Variants in MLF1 observed in about 807,000 individuals in gnomAD.
MLF1 encodes myeloid leukemia factor 1.
A neutral mutation model predicts 38.3 loss-of-function variants in MLF1; 37 were observed. The ratio of observed to expected loss-of-function variants is 0.96; its 90% CI spans 0.74 to 1.27. The LOEUF (loss-of-function observed/expected upper bound fraction) is 1.27. MLF1 is among the 50% of genes most tolerant of loss of function. The probability of loss-of-function intolerance (pLI) is 0.00; values close to 1 mark genes in which losing one functional copy is unlikely to be tolerated. For missense variants in MLF1, 331 were observed against 349.2 expected, an observed-to-expected ratio of 0.95 and a Z score of 0.42; for synonymous variants, 95 against 106.5, an observed-to-expected ratio of 0.89 and a Z score of 0.66.
At chr3:158,604,385 G>A (rs6800914) in intron 7 of MLF1, among the ~76,000 whole-genome samples, 87,566 of 152,008 alleles carry the variant, frequency 0.58, 25,992 homozygotes, top group African/African-American at 0.72. Context: ...AAATGACTTC[G>A]GTAATGACAA....
At position 158,605,980 on chromosome 3, in the gene MLF1, G is replaced by A. The variant is rs1421929183; in HGVS notation, c.*778G>A. On this transcript the variant is annotated 3_prime_UTR_variant, in exon 8 of 8. Transcript: ENST00000466246. ...CTGTCTCCAAGGTTAACATTCTGAAGCTGGAGAGTCCTTGGAGAAACTCTG... is the reference window on the plus strand; with the variant it reads ...CTGTCTCCAAGGTTAACATTCTGAAACTGGAGAGTCCTTGGAGAAACTCTG... 1 of 183,534 alleles carries A rather than the reference G, an allele frequency of 5.4e-6. No homozygotes were observed. Among genetic ancestry groups the A allele is most frequent in the Non-Finnish European group, 1.2e-5 (1 of 86,426 alleles). The allele number at this position is 183,534 out of a possible 1,614,324, so 11.4% of individuals were successfully genotyped here. A position where few individuals can be genotyped will look rare whatever the true frequency, so the allele number is the denominator to read the frequency against.
intron 6 of MLF1, among the ~76,000 whole-genome samples, chr3:158,601,718 T>G (rs1719783381): frequency 6.8e-6 from 1 of 148,144 alleles, no homozygotes; most frequent in South Asian, 2.2e-4. Context: ...GATCACGCAT[T>G]GCACTCCAGC....
chr3:158,598,819 T>G (rs1719291931), intron 5 of MLF1, among the ~76,000 whole-genome samples: 1 of 152,138 alleles, frequency 6.6e-6, no homozygotes, highest in Non-Finnish European at 1.5e-5. Flanking sequence ...GTATCTGGAG[T>G]TTATCATTTT....
chr3:158,580,297 A>G (rs1489966387), intron 1 of MLF1, among the ~76,000 whole-genome samples: 1 of 152,146 alleles, frequency 6.6e-6, no homozygotes, highest in Non-Finnish European at 1.5e-5. Context: ...ACTTAAAAAA[A>G]AAAAAGAAAG....
At chr3:158,581,612 C>G (rs9849437) in intron 1 of MLF1, among the ~76,000 whole-genome samples, 35,117 of 152,080 alleles carry the variant, frequency 0.23, 5,480 homozygotes, top group African/African-American at 0.45. Context: ...TACTAAAGGT[C>G]TATTTACTGC....
chr3:158,589,426 C>T (rs1229012557), intron 1 of MLF1, among the ~76,000 whole-genome samples: 1 of 151,838 alleles, frequency 6.6e-6, no homozygotes, highest in Admixed American at 6.6e-5. Context: ...TGGCCAGGCT[C>T]TTCTCAAGCT....
rs1350045336 is a variant in MLF1, at chr3:158,599,547, G to A, written c.454-467G>A. Among the ~76,000 whole-genome samples, 7 of 152,222 alleles carry A rather than the reference G, an allele frequency of 4.6e-5. No individual in the cohort carries two copies. In the East Asian group the frequency reaches 1.3e-3, roughly 29 times the overall value. On this transcript the variant is annotated intron_variant, in intron 5 of 7. Coordinates refer to ENST00000466246, the MANE Select transcript of MLF1 (RefSeq NM_001369783.1). ...ACTTAAATGTAAACAGAATATAATT[G>A]TAGATGTCCCACAGTAAATCATGTT...
chr3:158,591,745 TAAAA>T (rs922774129), intron 1 of MLF1, among the ~76,000 whole-genome samples: 1 of 145,638 alleles, frequency 6.9e-6, no homozygotes, highest in African/African-American at 2.5e-5. Flanking sequence ...TGTGATAAGG[TAAAA>T]AAAAAAAATT....
At chr3:158,577,360 G>A (rs560410477) in intron 1 of MLF1, among the ~76,000 whole-genome samples, 3 of 152,290 alleles carry the variant, frequency 2.0e-5, no homozygotes, top group South Asian at 4.1e-4. Flanking sequence ...TTGTTTAGAC[G>A]TACAGTCTGA....
At chr3:158,582,053 G>A (rs946856891) in intron 1 of MLF1, among the ~76,000 whole-genome samples, 2 of 152,092 alleles carry the variant, frequency 1.3e-5, no homozygotes, top group Non-Finnish European at 2.9e-5. Flanking sequence ...GGTGGTGCAT[G>A]CCTGTAATCC....
intron 6 of MLF1, among the ~76,000 whole-genome samples, chr3:158,601,171 A>T (rs1719690700): frequency 6.6e-6 from 1 of 152,144 alleles, no homozygotes; most frequent in African/African-American, 2.4e-5. Flanking sequence ...ACGGTGGCTC[A>T]TGCCTGTAAT....
At chr3:158,577,944 A>G (rs1289473297) in intron 1 of MLF1, among the ~76,000 whole-genome samples, 1 of 152,214 alleles carries the variant, frequency 6.6e-6, no homozygotes, top group Non-Finnish European at 1.5e-5. Context: ...CTTCAAGACA[A>G]TGGAAAAATA....
intron 1 of MLF1, among the ~76,000 whole-genome samples, chr3:158,582,401 G>C (rs1363613407): frequency 2.0e-5 from 3 of 151,854 alleles, no homozygotes; most frequent in African/African-American, 7.3e-5. Flanking sequence ...GAGTACCATA[G>C]TACAAAGGAA....
At chr3:158,579,739 A>G (rs1011176315) in intron 1 of MLF1, among the ~76,000 whole-genome samples, 1 of 152,224 alleles carries the variant, frequency 6.6e-6, no homozygotes, top group Admixed American at 6.5e-5. Flanking sequence ...GAACAAATTT[A>G]GTATTTCTTG....
At chr3:158,583,668 C>T (rs1392134160) in intron 1 of MLF1, among the ~76,000 whole-genome samples, 1 of 152,116 alleles carries the variant, frequency 6.6e-6, no homozygotes, top group African/African-American at 2.4e-5. Context: ...AAACTACTCC[C>T]CCCTAATTCA....
intron 1 of MLF1, among the ~76,000 whole-genome samples, chr3:158,581,689 A>G (rs547303485): frequency 1.3e-5 from 2 of 152,354 alleles, no homozygotes; most frequent in African/African-American, 4.8e-5. Context: ...TAAAAGGCAA[A>G]AAAACAGTTT....
chr3:158,600,658 G>T (rs1427091311), intron 6 of MLF1, among the ~76,000 whole-genome samples: 1 of 150,906 alleles, frequency 6.6e-6, no homozygotes, highest in Non-Finnish European at 1.5e-5. Context: ...CATTATAATT[G>T]TAAAGTTACT....
intron 5 of MLF1, among the ~76,000 whole-genome samples, chr3:158,598,844 C>A (rs1018532335): frequency 6.6e-6 from 1 of 152,066 alleles, no homozygotes; most frequent in African/African-American, 2.4e-5. Context: ...CATGTTTTTA[C>A]AATTTTATTA....
At chr3:158,600,290 A>T (rs1719557024) in intron 6 of MLF1, 117 bp downstream of exon 6, 1 of 482,174 alleles carries the variant, frequency 2.1e-6, no homozygotes, top group East Asian at 3.8e-5. Flanking sequence ...ATGCATGTAG[A>T]GAATACCTTG....
Sources: allele counts gnomAD v4.1 joint callset (sites outside exome capture counted in the v4.1 genomes callset), GRCh38; gene constraint gnomAD v4.1.1; transcripts MANE v1.5; gene names NCBI Gene and HGNC (gene_info 2026-07-23, HGNC 2026-07-21).